ZNF726: variants seen among roughly 807,000 people sequenced by gnomAD.
ZNF726 encodes the protein zinc finger protein 92 pseudogene 3.
ZNF726 carries 15 observed loss-of-function variants against 11.6 expected under a neutral mutation model. The ratio of observed to expected loss-of-function variants is 1.29; its 90% CI spans 0.86 to 1.99. ZNF726 has a LOEUF of 1.99. ZNF726 is among the 30% of genes most tolerant of loss of function. The pLI is 0.00. For missense variants in ZNF726, 890 were observed against 725.6 expected (o/e 1.23, Z -2.60); for synonymous variants, 295 against 243.6 (o/e 1.21, Z -1.96).
Position 23,933,136 on chromosome 19 carries a change from C to T in ZNF726, c.1020C>T (p.Pro340=). The T allele has an allele frequency of 6.2e-7, 1 of 1,611,534 alleles. No individual in the cohort carries two copies. The highest frequency in any genetic ancestry group is 8.5e-7 in the Non-Finnish European group (1 of 1,179,846). The change falls in exon 4 of 4, where the codon CCC becomes CCT. Residue 340 remains proline, a synonymous_variant. Coordinates refer to ENST00000594466, the MANE Select transcript of ZNF726 (RefSeq NM_001244038.2). The part of the protein sequence containing the change: ...RHKRLHSGEK[P]YKCEECAKAF... ...AGAGGCTGCACAGTGGAGAGAAACC[C>T]TACAAATGTGAAGAATGTGCCAAAG...
intron 2 of ZNF726, 25 bp from the exon 3 acceptor site, chr19:23,919,962 A>T (rs1967800787): frequency 6.7e-7 from 1 of 1,500,224 alleles, no homozygotes; most frequent in African/African-American, 1.4e-5. Flanking sequence ...AGCAAGATTC[A>T]TGTTAATTAT....
intron 3 of ZNF726, among the ~76,000 whole-genome samples, chr19:23,941,235 A>G (rs1774730297): frequency 6.6e-6 from 1 of 152,140 alleles, no homozygotes; most frequent in Non-Finnish European, 1.5e-5. Flanking sequence ...TATTGAAATA[A>G]TCATTTGATT....
Position 23,934,012 on chromosome 19 carries a change from G to T in ZNF726, c.*45G>T, listed in dbSNP as rs1968182583. ...AAAGAATGTGGCAAAGCATTTATAT[G>T]GTCCTCAACGCTAAACATAAGAGGA... is the stretch of plus-strand genomic sequence containing the variant. On this transcript the variant is annotated 3_prime_UTR_variant, in exon 4 of 4. Coordinates refer to ENST00000594466, the MANE Select transcript of ZNF726 (RefSeq NM_001244038.2). 1.3e-6 allele frequency: 2 copies of T among 1,521,026 alleles called. No individual in the cohort carries two copies. The highest frequency in any genetic ancestry group is 2.5e-5 in the East Asian group (1 of 40,682). 94.2% of individuals were successfully genotyped at this position (1,521,026 alleles called of 1,614,324 possible).
chr19:23,931,805 G>A (rs1328714667), intron 3 of ZNF726, among the ~76,000 whole-genome samples: 1 of 151,902 alleles, frequency 6.6e-6, no homozygotes, highest in Non-Finnish European at 1.5e-5. Flanking sequence ...CCTTTTCTGT[G>A]GTACTGCAGT....
chr19:23,934,231 A>G lies in ZNF726; in HGVS notation c.*264A>G. The G allele has an allele frequency of 1.4e-6, 1 of 726,676 alleles. No homozygotes were observed. Among genetic ancestry groups the G allele is most frequent in the Non-Finnish European group, 2.5e-6 (1 of 397,152 alleles). The allele number at this position is 726,676 out of a possible 1,614,324, so 45.0% of individuals were successfully genotyped here. On this transcript the variant is annotated 3_prime_UTR_variant, in exon 4 of 4. Coordinates refer to ENST00000594466, the MANE Select transcript of ZNF726 (RefSeq NM_001244038.2). ...ACTGGAAATAAACCCTACAAATGTG[A>G]AAAATGTGGCAAAGCATATGGTCCA...
chr19:23,918,777 G>GCT (rs2144958731), intron 1 of ZNF726, among the ~76,000 whole-genome samples: 1 of 150,328 alleles, frequency 6.7e-6, no homozygotes, highest in South Asian at 2.2e-4. Context: ...GTAAATGAAA[G>GCT]CTCTCATCTT....
rs779744956 is a variant in ZNF726 at position 23,932,988 on chromosome 19, G to A, written c.872G>A (p.Gly291Asp). 4.3e-6 allele frequency: 7 copies of A among 1,612,450 alleles called. No individual in the cohort carries two copies. Among genetic ancestry groups the A allele is most frequent in the South Asian group, 1.1e-5 (1 of 90,984 alleles). Residue 291 changes from glycine to aspartate, a missense_variant, in exon 4 of 4, where the codon GGC becomes GAC. Transcript: ENST00000594466. ...AAACCCTGCAAATGTGAAGAATGTG[G>A]CAAAGCATTTAGCCAACCCTCAGCA... ...GEKPCKCEEC[G>D]KAFSQPSALT...
At chr19:23,929,215 G>A (rs953969134) in intron 3 of ZNF726, 5 of 151,978 alleles carry the variant, frequency 3.3e-5, no homozygotes, top group African/African-American at 1.2e-4. Context: ...CATTTTAATT[G>A]TGTAGTGATG....
chr19:23,920,146 T>A, intron 3 of ZNF726, 64 bp downstream of exon 3: 1 of 1,189,708 alleles, frequency 8.4e-7, no homozygotes, highest in South Asian at 1.3e-5. Flanking sequence ...AGAAAGCCAG[T>A]CTTTAAAGTG....
chr19:23,916,479 T>C (rs562351111), intron 1 of ZNF726, among the ~76,000 whole-genome samples: 63 of 152,118 alleles, frequency 4.1e-4, no homozygotes, highest in Non-Finnish European at 7.6e-4. Context: ...TACAGATGCC[T>C]GGCACCACGC....
chr19:23,914,898 G>C lies in ZNF726; in HGVS notation c.-97G>C. 1 of 1,564,690 alleles carries C rather than the reference G, an allele frequency of 6.4e-7. No individual in the cohort carries two copies. The highest frequency in any genetic ancestry group is 1.1e-5 in the South Asian group (1 of 88,194). On this transcript the variant is annotated 5_prime_UTR_variant, in exon 1 of 4. Transcript: ENST00000594466. ...TGGCGGGGCCTTTGTCTCTATCTGC[G>C]GCCGGAGCTCCAGGTCTCGTCCTCA...
chr19:23,937,355 G>A (rs561084930), downstream of ZNF726, among the ~76,000 whole-genome samples: 1 of 152,072 alleles, frequency 6.6e-6, no homozygotes, highest in African/African-American at 2.4e-5. Context: ...AGATGGGGTG[G>A]CTGCTGGGCG....
intron 3 of ZNF726, among the ~76,000 whole-genome samples, chr19:23,940,393 G>C (rs141188051): frequency 1.3e-5 from 2 of 152,162 alleles, no homozygotes; most frequent in Non-Finnish European, 2.9e-5. Context: ...GTACCATGCT[G>C]TTTTGGTGAC....
chr19:23,916,235 C>G (rs988353304), intron 1 of ZNF726, among the ~76,000 whole-genome samples: 2 of 152,112 alleles, frequency 1.3e-5, no homozygotes, highest in African/African-American at 2.4e-5. Context: ...TTTTGTCTGA[C>G]GTTGCCAAAT....
intron 3 of ZNF726, chr19:23,921,691 T>C (rs1465134563): frequency 2.6e-5 from 4 of 152,184 alleles, no homozygotes; most frequent in Admixed American, 2.6e-4. Flanking sequence ...GTTTTAAGTG[T>C]ATGGAATGAT....
At position 23,923,560 on chromosome 19, in the gene ZNF726, G is replaced by A. The variant is rs115248002; in HGVS notation, c.226+3478G>A. 3.0e-3 allele frequency: 554 copies of A among 186,684 alleles called. 1 individual carries two copies. The highest frequency in any genetic ancestry group is 0.013 in the African/African-American group (529 of 41,572). 11.6% of individuals were successfully genotyped at this position (186,684 alleles called of 1,614,324 possible). ...CTGAGTAGCTGGGACTATAGGTGCC[G>A]ACACCGCGCTTGGCTAATTTTTTGT... On this transcript the variant is annotated intron_variant, in intron 3 of 3. Coordinates refer to ENST00000594466, the MANE Select transcript of ZNF726 (RefSeq NM_001244038.2).
At chr19:23,938,765 C>T (rs1168882849), downstream of ZNF726, among the ~76,000 whole-genome samples, 1 of 151,660 alleles carries the variant, frequency 6.6e-6, no homozygotes, top group African/African-American at 2.4e-5. Flanking sequence ...CCGCCACCAG[C>T]CCAGCTAATT....
chr19:23,918,010 A>G (rs1336287082), intron 1 of ZNF726, among the ~76,000 whole-genome samples: 2 of 152,158 alleles, frequency 1.3e-5, no homozygotes, highest in African/African-American at 2.4e-5. Flanking sequence ...TGGATGGCAC[A>G]ATCCAGTTGG....
rs1330225669 is a variant in ZNF726, at chr19:23,933,666, C to T, written c.1550C>T (p.Ala517Val). 1.6e-5 allele frequency: 26 copies of T among 1,612,356 alleles called. No homozygotes were observed. The highest frequency in any genetic ancestry group is 3.3e-5 in the South Asian group (3 of 91,078). Reference sequence around the variant, plus strand: ...TACAAATGTGAAGAATGTGGCAAAGCATTTATATTGTCCTCGACCCTATCT... The same window carrying T: ...TACAAATGTGAAGAATGTGGCAAAGTATTTATATTGTCCTCGACCCTATCT... ...KPYKCEECGK[A>V]FILSSTLSKH... Residue 517 changes from alanine (A) to valine (V), a missense_variant, in exon 4 of 4, where the codon GCA becomes GTA. Physicochemically the swap from Ala to Val is moderately conservative, Grantham distance 64 (BLOSUM62 0). Transcript: ENST00000594466.
Sources: allele counts gnomAD v4.1 joint callset (sites outside exome capture counted in the v4.1 genomes callset), GRCh38; gene constraint gnomAD v4.1.1; transcripts MANE v1.5; gene names NCBI Gene and HGNC (gene_info 2026-07-23, HGNC 2026-07-21).